FSTL5: variants seen among roughly 807,000 people sequenced by gnomAD.
FSTL5 encodes follistatin like 5.
Under a neutral mutation model 89.1 loss-of-function variants are expected in FSTL5, and 62 were observed. That is an observed-to-expected ratio of 0.70 (90% CI 0.57 to 0.86). The LOEUF is 0.86. Among genes scored for constraint, FSTL5 ranks in the 40% least tolerant of loss-of-function variants. FSTL5 has a pLI of 0.00. For synonymous variants in FSTL5, 383 were observed against 346.2 expected (o/e 1.11, Z -1.18); for missense variants, 1,057 against 1,001.6 (o/e 1.06, Z -0.75).
intron 1 of FSTL5, among the ~76,000 whole-genome samples, chr4:162,134,807 A>T (rs933896878): frequency 6.6e-6 from 1 of 152,202 alleles, no homozygotes; most frequent in African/African-American, 2.4e-5. Flanking sequence ...ACCACCACCG[A>T]TGTTTATAAT....
At chr4:161,873,479 T>C (rs891992979) in intron 4 of FSTL5, among the ~76,000 whole-genome samples, 1 of 150,914 alleles carries the variant, frequency 6.6e-6, no homozygotes, top group African/African-American at 2.4e-5. Flanking sequence ...ATTATTTCCT[T>C]AGTTCCTTCC....
rs531867113 is a variant in FSTL5 at position 161,416,207 on chromosome 4, T to C, written c.1842-29758A>G. ...GAAGGGTCACCAAATGCTGTTCTTTTTCTCTGATGAGTATGAAAGGTTAAA... is the reference window on the plus strand; with the variant it reads ...GAAGGGTCACCAAATGCTGTTCTTTCTCTCTGATGAGTATGAAAGGTTAAA... On this transcript the variant is annotated intron_variant, in intron 15 of 15. Coordinates refer to ENST00000306100, the MANE Select transcript of FSTL5 (RefSeq NM_020116.5). Among the ~76,000 whole-genome samples the C allele has an allele frequency of 1.2e-4, 19 of 152,300 alleles. No homozygotes were observed. The South Asian group carries it at 3.3e-3, about 27-fold the overall frequency.
At chr4:161,504,675 C>T (rs1236334090) in intron 11 of FSTL5, among the ~76,000 whole-genome samples, 3 of 151,882 alleles carry the variant, frequency 2.0e-5, no homozygotes, top group East Asian at 3.9e-4. Context: ...TGCAGTCTTA[C>T]AAGACAGAAG....
intron 4 of FSTL5, among the ~76,000 whole-genome samples, chr4:161,876,735 G>A (rs1035929770): frequency 2.6e-5 from 4 of 151,692 alleles, no homozygotes; most frequent in Non-Finnish European, 4.4e-5. Flanking sequence ...GAAAGATTCT[G>A]TCTCTTTTAA....
intron 12 of FSTL5, among the ~76,000 whole-genome samples, chr4:161,490,792 A>G (rs928112545): frequency 1.3e-5 from 2 of 152,196 alleles, no homozygotes; most frequent in Non-Finnish European, 2.9e-5. Context: ...TTTGTTCTAC[A>G]TAAGAATGAC....
At chr4:161,658,701 G>A (rs114321751) in intron 6 of FSTL5, among the ~76,000 whole-genome samples, 1 of 152,258 alleles carries the variant, frequency 6.6e-6, no homozygotes, top group Non-Finnish European at 1.5e-5. Context: ...CAGTGTTCAT[G>A]TCTTTTTTAA....
At chr4:161,835,140 A>G (rs1422216905) in intron 4 of FSTL5, among the ~76,000 whole-genome samples, 1 of 149,622 alleles carries the variant, frequency 6.7e-6, no homozygotes, top group African/African-American at 2.5e-5. Flanking sequence ...GCCCTCAGAA[A>G]TAACGCTGCA....
At chr4:161,779,811 G>GTATATATA (rs1203119725) in intron 4 of FSTL5, among the ~76,000 whole-genome samples, 3 of 40,444 alleles carry the variant, frequency 7.4e-5, no homozygotes, top group Admixed American at 3.3e-4. Context: ...ATATATATAT[G>GTATATATA]TATATATATA....
rs147701868 is a variant in FSTL5 at position 161,555,084 on chromosome 4, A to G, written c.1016-12391T>C. On this transcript the variant is annotated intron_variant, in intron 8 of 15. Transcript: ENST00000306100. Reference sequence around the variant, plus strand: ...TCATGAAAGTGTAGAGGATGCAACAAATGTTGGAGGCAAAATATAAATTAA... The same window carrying G: ...TCATGAAAGTGTAGAGGATGCAACAGATGTTGGAGGCAAAATATAAATTAA... 2.1e-3 allele frequency among the ~76,000 whole-genome samples: 312 copies of G among 151,712 alleles called. 1 individual carries two copies. Among genetic ancestry groups the G allele is most frequent in the African/African-American group, 7.2e-3 (300 of 41,496 alleles).
chr4:161,720,073 GTTCTCCTCAGC>G (rs1739138738), intron 6 of FSTL5, among the ~76,000 whole-genome samples: 4 of 151,936 alleles, frequency 2.6e-5, no homozygotes, highest in Non-Finnish European at 5.9e-5. Flanking sequence ...AAACTAAAAA[GTTCTCCTCAGC>G]AAGGGAAAGA....
At chr4:162,042,718 A>G (rs1578979035) in intron 2 of FSTL5, among the ~76,000 whole-genome samples, 1 of 152,146 alleles carries the variant, frequency 6.6e-6, no homozygotes, top group East Asian at 1.9e-4. Context: ...TTCTCAATGT[A>G]TATTAATTTG....
intron 11 of FSTL5, among the ~76,000 whole-genome samples, chr4:161,509,361 G>A (rs1730584024): frequency 6.6e-6 from 1 of 152,200 alleles, no homozygotes; most frequent in Non-Finnish European, 1.5e-5. Flanking sequence ...TTTCATTAAC[G>A]AGTGAATTAT....
At chr4:161,949,938 A>T (rs542753607) in intron 3 of FSTL5, among the ~76,000 whole-genome samples, 1 of 151,846 alleles carries the variant, frequency 6.6e-6, no homozygotes. Context: ...ATATTTCTAC[A>T]TTTGCTTCTA....
intron 9 of FSTL5, 136 bp from the exon 10 acceptor site, chr4:161,538,436 G>C: frequency 2.2e-6 from 2 of 919,696 alleles, no homozygotes; most frequent in East Asian, 2.4e-5. Flanking sequence ...TACTTTGAAG[G>C]CATGCCAAAT....
chr4:161,596,605 A>G (rs1025140547), intron 7 of FSTL5, among the ~76,000 whole-genome samples: 2 of 152,142 alleles, frequency 1.3e-5, no homozygotes, highest in South Asian at 2.1e-4. Context: ...TTAGCATAAT[A>G]ATTTAGGAAT....
intron 2 of FSTL5, among the ~76,000 whole-genome samples, chr4:162,048,455 C>A (rs865817388): frequency 6.6e-6 from 1 of 152,020 alleles, no homozygotes; most frequent in African/African-American, 2.4e-5. Flanking sequence ...AAATTGGTAA[C>A]ACTCAAGAAC....
intron 1 of FSTL5, among the ~76,000 whole-genome samples, chr4:162,156,325 G>A (rs1338051056): frequency 1.3e-5 from 2 of 152,150 alleles, no homozygotes; most frequent in Non-Finnish European, 2.9e-5. Context: ...ACTGAAGAAA[G>A]CAGTTTGGAG....
chr4:161,646,628 T>C (rs1166987140), intron 7 of FSTL5, among the ~76,000 whole-genome samples: 1 of 152,100 alleles, frequency 6.6e-6, no homozygotes, highest in Non-Finnish European at 1.5e-5. Flanking sequence ...AACAAAAAAT[T>C]ATTATGGCAA....
chr4:161,431,401 A>G (rs924495926), intron 15 of FSTL5, among the ~76,000 whole-genome samples: 3 of 152,100 alleles, frequency 2.0e-5, no homozygotes, highest in African/African-American at 7.2e-5. Flanking sequence ...TCAGTTTAAA[A>G]TAATGAGTTA....
Sources: allele counts gnomAD v4.1 joint callset (sites outside exome capture counted in the v4.1 genomes callset), GRCh38; gene constraint gnomAD v4.1.1; transcripts MANE v1.5; gene names NCBI Gene and HGNC (gene_info 2026-07-23, HGNC 2026-07-21).